The following CNTLN variants were observed in gnomAD, a reference collection of about 807,000 sequenced individuals.
The protein encoded by CNTLN is centlein, also known as centlein, centrosomal protein.
Under a neutral mutation model 180.0 loss-of-function variants are expected in CNTLN, and 212 were observed. The ratio of observed to expected loss-of-function variants is 1.18; its 90% CI spans 1.05 to 1.32. The LOEUF is 1.32. Among genes scored for constraint, CNTLN ranks in the 40% most tolerant of loss-of-function variants. The pLI, the probability that CNTLN is intolerant of heterozygous loss-of-function variation, is 0.00. For synonymous variants in CNTLN, 722 were observed against 563.1 expected (o/e 1.28, Z -3.99); for missense variants, 2,095 against 1,610.9 (o/e 1.30, Z -5.14).
At chr9:17,358,329 T>TA (rs962433075) in intron 12 of CNTLN, among the ~76,000 whole-genome samples, 3 of 152,062 alleles carry the variant, frequency 2.0e-5, no homozygotes, top group Non-Finnish European at 4.4e-5. Context: ...TAGAAATGCT[T>TA]AAAAAGCAAA....
chr9:17,149,209 G>T (rs956813055), intron 2 of CNTLN, among the ~76,000 whole-genome samples: 2 of 152,128 alleles, frequency 1.3e-5, no homozygotes, highest in Non-Finnish European at 1.5e-5. Flanking sequence ...TCTTTATCCA[G>T]TCTATCATTG....
At chr9:17,181,061 A>G (rs2131728119) in intron 2 of CNTLN, among the ~76,000 whole-genome samples, 1 of 152,280 alleles carries the variant, frequency 6.6e-6, no homozygotes, top group African/African-American at 2.4e-5. Flanking sequence ...GGGTTTGTTC[A>G]GCTTCATGAA....
rs902369040 is a variant in CNTLN, at chr9:17,386,097, G to T, written c.1988-2065G>T. Among the ~76,000 whole-genome samples the T allele has an allele frequency of 3.3e-5, 5 of 151,804 alleles. No individual in the cohort carries two copies. In the South Asian group the frequency reaches 6.2e-4, roughly 19 times the overall value. Reference sequence around the variant, plus strand: ...CAAACTGACCTTTAAGAAACTTTTTGTATGAAGCTTCATATTAAGATCAGG... The same window carrying T: ...CAAACTGACCTTTAAGAAACTTTTTTTATGAAGCTTCATATTAAGATCAGG... On this transcript the variant is annotated intron_variant, in intron 13 of 25. Transcript: ENST00000380647.
intron 8 of CNTLN, among the ~76,000 whole-genome samples, chr9:17,319,320 T>C (rs2133022452): frequency 6.6e-6 from 1 of 152,308 alleles, no homozygotes; most frequent in East Asian, 1.9e-4. Context: ...GGCTGGGGCC[T>C]GAGATTCTGC....
chr9:17,309,273 C>G, intron 8 of CNTLN, 21 bp downstream of exon 8: 3 of 1,505,534 alleles, frequency 2.0e-6, no homozygotes, highest in Non-Finnish European at 2.7e-6. Context: ...TTTTCTAAAA[C>G]TGTTATTCAG....
chr9:17,196,467 T>C (rs1167297006), intron 2 of CNTLN, among the ~76,000 whole-genome samples: 1 of 152,116 alleles, frequency 6.6e-6, no homozygotes, highest in East Asian at 1.9e-4. Flanking sequence ...GCTTCTCTAG[T>C]AGTAGGTACT....
intron 8 of CNTLN, among the ~76,000 whole-genome samples, chr9:17,317,972 T>C (rs941533891): frequency 3.3e-5 from 5 of 152,164 alleles, no homozygotes; most frequent in Admixed American, 1.3e-4. Flanking sequence ...ATGGAACCTA[T>C]TGGGGTGACT....
At chr9:17,265,712 C>G (rs1361518962) in intron 5 of CNTLN, among the ~76,000 whole-genome samples, 2 of 152,140 alleles carry the variant, frequency 1.3e-5, no homozygotes, top group Non-Finnish European at 2.9e-5. Flanking sequence ...GCCACAATTT[C>G]AGAGCCTGTT....
intron 1 of CNTLN, among the ~76,000 whole-genome samples, chr9:17,135,950 G>A (rs1240488032): frequency 2.0e-5 from 3 of 152,174 alleles, no homozygotes; most frequent in Admixed American, 1.3e-4. Context: ...TCAGAGCCGG[G>A]AACTTAACAA....
intron 7 of CNTLN, chr9:17,300,716 TA>T (rs1818285025): frequency 6.6e-6 from 1 of 152,530 alleles, no homozygotes; most frequent in Non-Finnish European, 1.5e-5. Flanking sequence ...ATAAAAAACC[TA>T]AGTTCTTACT....
chr9:17,250,503 A>T (rs1826072536), intron 5 of CNTLN, among the ~76,000 whole-genome samples: 1 of 151,884 alleles, frequency 6.6e-6, no homozygotes, highest in South Asian at 2.1e-4. Context: ...TTTAGTATAT[A>T]TGTTATTGAT....
chr9:17,385,366 G>C lies in CNTLN; in HGVS notation c.1988-2796G>C, dbSNP rs139379116. 1.1e-3 allele frequency among the ~76,000 whole-genome samples: 166 copies of C among 152,194 alleles called. 1 individual carries two copies. Among genetic ancestry groups the C allele is most frequent in the Non-Finnish European group, 1.5e-3 (105 of 68,010 alleles). On this transcript the variant is annotated intron_variant, in intron 13 of 25. Coordinates refer to ENST00000380647, the MANE Select transcript of CNTLN (RefSeq NM_017738.4). The stretch of plus-strand genomic sequence containing the variant: ...TCCCCTCTGCAGAGGCCTGGTGGTG[G>C]GGCTGGACGTTAAAACCATCTAATC...
intron 12 of CNTLN, among the ~76,000 whole-genome samples, chr9:17,350,580 A>C (rs1368442448): frequency 6.6e-6 from 1 of 152,142 alleles, no homozygotes; most frequent in African/African-American, 2.4e-5. Flanking sequence ...TGATATAACA[A>C]AACGCCATAG....
intron 2 of CNTLN, among the ~76,000 whole-genome samples, chr9:17,208,196 C>T (rs1158221286): frequency 6.6e-6 from 1 of 152,128 alleles, no homozygotes; most frequent in Non-Finnish European, 1.5e-5. Context: ...ATTTTATGAA[C>T]TGCTTTTTCA....
chr9:17,273,083 C>T (rs1482168098), intron 5 of CNTLN, among the ~76,000 whole-genome samples: 3 of 151,840 alleles, frequency 2.0e-5, no homozygotes, highest in African/African-American at 7.3e-5. Flanking sequence ...TGTTGGCATA[C>T]TTTATTTAGA....
Position 17,388,187 on chromosome 9 carries a change from T to C in CNTLN, c.2013T>C (p.Asp671=). 1 of 1,611,634 alleles carries C rather than the reference T, an allele frequency of 6.2e-7. No homozygotes were observed. Among genetic ancestry groups the C allele is most frequent in the Non-Finnish European group, 8.5e-7 (1 of 1,178,288 alleles). The change falls in exon 14 of 26, where the codon GAT becomes GAC. Residue 671 remains aspartate, a synonymous_variant. Transcript: ENST00000380647. ...REEQLFRSGE[D]DEVKRSTPEK... is the part of the protein sequence containing the mutation. ...AACAGCTCTTTAGATCTGGTGAAGA[T>C]GATGAGGTCAAGAGGAGTACTCCAG...
chr9:17,234,050 T>A (rs773305362), intron 3 of CNTLN, among the ~76,000 whole-genome samples: 18 of 152,166 alleles, frequency 1.2e-4, no homozygotes, highest in East Asian at 5.8e-4. Context: ...CTTATTTTTT[T>A]AAAAAATTAT....
At chr9:17,521,961 C>A in the CNTLN span, among the ~76,000 whole-genome samples, 5 of 152,090 alleles carry the variant, frequency 3.3e-5, no homozygotes, top group Non-Finnish European at 7.4e-5. Flanking sequence ...GAGTATAATT[C>A]TGCCTATATT....
chr9:17,314,259 A>G (rs887261858), intron 8 of CNTLN, among the ~76,000 whole-genome samples: 1 of 151,854 alleles, frequency 6.6e-6, no homozygotes, highest in Non-Finnish European at 1.5e-5. Context: ...TTTGATCACT[A>G]TTGTTTTCCC....
Sources: allele counts gnomAD v4.1 joint callset (sites outside exome capture counted in the v4.1 genomes callset), GRCh38; gene constraint gnomAD v4.1.1; transcripts MANE v1.5; gene names NCBI Gene and HGNC (gene_info 2026-07-23, HGNC 2026-07-21).